MAP3K13: variants seen among roughly 807,000 people sequenced by gnomAD.
MAP3K13 encodes the protein leucine zipper-bearing kinase.
MAP3K13 carries 52 observed loss-of-function variants against 104.0 expected under a neutral mutation model. The ratio of observed to expected loss-of-function variants is 0.50; its 90% CI spans 0.40 to 0.63. The LOEUF is 0.63. Ranked by LOEUF, MAP3K13 falls within the 20% of genes least tolerant of loss-of-function variation. The probability of loss-of-function intolerance (pLI) is 0.00; values close to 1 mark genes in which losing one functional copy is unlikely to be tolerated. For missense variants in MAP3K13, 914 were observed against 1,218.5 expected (o/e 0.75, Z 3.72); for synonymous variants, 394 against 442.2 (o/e 0.89, Z 1.37).
At chr3:185,306,938 T>C (rs2108683215) in intron 2 of MAP3K13, among the ~76,000 whole-genome samples, 1 of 152,354 alleles carries the variant, frequency 6.6e-6, no homozygotes, top group African/African-American at 2.4e-5. Context: ...TCCTTCAGTT[T>C]TGAAGGACAG....
chr3:185,465,160 T>C (rs767239671), intron 8 of MAP3K13, among the ~76,000 whole-genome samples: 21 of 152,160 alleles, frequency 1.4e-4, no homozygotes, highest in Non-Finnish European at 2.2e-4. Context: ...GTATTTTTAG[T>C]AGAGACAGGG....
At chr3:185,390,295 T>C (rs1433284255) in intron 1 of MAP3K13, among the ~76,000 whole-genome samples, 2 of 152,154 alleles carry the variant, frequency 1.3e-5, no homozygotes, top group African/African-American at 4.8e-5. Flanking sequence ...GGTGCTATTG[T>C]TATTATCTCT....
intron 1 of MAP3K13, among the ~76,000 whole-genome samples, chr3:185,383,116 GTT>G (rs57028817): frequency 6.9e-6 from 1 of 145,662 alleles, no homozygotes; most frequent in East Asian, 2.1e-4. Flanking sequence ...GCGGTGTTTG[GTT>G]TTTTTGTTCT....
chr3:185,469,359 C>G (rs780936301), intron 10 of MAP3K13, among the ~76,000 whole-genome samples: 2 of 152,190 alleles, frequency 1.3e-5, no homozygotes, highest in Admixed American at 6.5e-5. Context: ...GGTCAACGGA[C>G]TTGGGTTCAA....
chr3:185,372,282 T>C (rs1170753595), intron 1 of MAP3K13, among the ~76,000 whole-genome samples: 3 of 152,198 alleles, frequency 2.0e-5, no homozygotes, highest in Admixed American at 1.3e-4. Flanking sequence ...TACAAAGACA[T>C]TTTACGACTT....
chr3:185,410,227 T>C (rs926500966), intron 1 of MAP3K13, among the ~76,000 whole-genome samples: 3 of 152,186 alleles, frequency 2.0e-5, no homozygotes, highest in African/African-American at 7.2e-5. Flanking sequence ...GAGGACATTA[T>C]GTTAAGTGAA....
chr3:185,353,917 A>C (rs1277282520), intron 2 of MAP3K13, among the ~76,000 whole-genome samples: 2 of 151,656 alleles, frequency 1.3e-5, no homozygotes, highest in African/African-American at 4.8e-5. Context: ...CCAAATGGTC[A>C]TTCCATCAAA....
chr3:185,376,918 A>G (rs1724456218), intron 1 of MAP3K13, among the ~76,000 whole-genome samples: 1 of 152,150 alleles, frequency 6.6e-6, no homozygotes, highest in African/African-American at 2.4e-5. Flanking sequence ...AGTACAGCCC[A>G]GGTAATTTGC....
chr3:185,368,166 T>A (rs201894443), intron 1 of MAP3K13, among the ~76,000 whole-genome samples: 1 of 151,958 alleles, frequency 6.6e-6, no homozygotes, highest in Non-Finnish European at 1.5e-5. Context: ...TCTCAAAAAA[T>A]TAATTAATTA....
At chr3:185,381,920 A>T (rs1481293375) in intron 1 of MAP3K13, among the ~76,000 whole-genome samples, 1 of 152,210 alleles carries the variant, frequency 6.6e-6, no homozygotes, top group Non-Finnish European at 1.5e-5. Flanking sequence ...CTCAATATTC[A>T]CTAGTTCAGT....
At chr3:185,460,211 G>A (rs1350279998) in intron 7 of MAP3K13, among the ~76,000 whole-genome samples, 1 of 152,186 alleles carries the variant, frequency 6.6e-6, no homozygotes, top group Non-Finnish European at 1.5e-5. Context: ...ATAGTACGGA[G>A]CCTGACTGCT....
At chr3:185,393,175 C>T (rs1236941508) in intron 1 of MAP3K13, among the ~76,000 whole-genome samples, 3 of 56,422 alleles carry the variant, frequency 5.3e-5, no homozygotes, top group Non-Finnish European at 3.4e-5. Flanking sequence ...TTAAAGGATG[C>T]TTTTTATAAG....
intron 3 of MAP3K13, among the ~76,000 whole-genome samples, chr3:185,440,012 A>G (rs1030103599): frequency 6.6e-6 from 1 of 152,196 alleles, no homozygotes; most frequent in African/African-American, 2.4e-5. Context: ...TGAGAGAATG[A>G]TTAGATTTTA....
At chr3:185,384,015 C>G (rs544955825) in intron 1 of MAP3K13, among the ~76,000 whole-genome samples, 9 of 152,256 alleles carry the variant, frequency 5.9e-5, no homozygotes, top group Non-Finnish European at 1.2e-4. Flanking sequence ...TATAGTCACC[C>G]TACTGTGCTA....
In MAP3K13 at chr3:185,417,643, C is replaced by A; in HGVS notation, c.-85-10854C>A. ...AACAGCAGCCTTCTTTCCTTTCTTA[C>A]CTACCACAGGCTTCTTGCCTGCAAC... On this transcript the variant is annotated intron_variant, in intron 1 of 13. Coordinates refer to ENST00000265026, the MANE Select transcript of MAP3K13 (RefSeq NM_004721.5). The A allele has an allele frequency of 2.5e-6, 4 of 1,612,024 alleles. No individual in the cohort carries two copies. The South Asian group carries it at 4.4e-5, about 18-fold the overall frequency.
chr3:185,363,299 T>C lies in MAP3K13; in HGVS notation c.-155T>C. The C allele has an allele frequency of 1.0e-6, 1 of 985,400 alleles. No individual in the cohort carries two copies. Among genetic ancestry groups the C allele is most frequent in the Non-Finnish European group, 1.2e-6 (1 of 829,914 alleles). 61.0% of individuals were successfully genotyped at this position (985,400 alleles called of 1,614,324 possible). A position where few individuals can be genotyped will look rare whatever the true frequency, so the allele number is the denominator to read the frequency against. ...CTTTATTTTTCCAATTCTGCAAGGC[T>C]TTTAAAATTCACCTTACATCTTTTC... On this transcript the variant is annotated 5_prime_UTR_variant, in exon 1 of 14. Transcript: ENST00000265026.
chr3:185,375,480 T>C (rs941504459), intron 1 of MAP3K13, among the ~76,000 whole-genome samples: 5 of 152,070 alleles, frequency 3.3e-5, no homozygotes, highest in Non-Finnish European at 5.9e-5. Context: ...GTAACCTACA[T>C]GGAAGAGGTT....
intron 2 of MAP3K13, among the ~76,000 whole-genome samples, chr3:185,358,071 A>C (rs975355568): frequency 2.0e-5 from 3 of 152,206 alleles, no homozygotes; most frequent in African/African-American, 4.8e-5. Flanking sequence ...AAGTGTTTGA[A>C]GTGCTTATCA....
At chr3:185,354,089 A>G (rs1339458268) in intron 2 of MAP3K13, among the ~76,000 whole-genome samples, 14 of 152,126 alleles carry the variant, frequency 9.2e-5, no homozygotes, top group Admixed American at 9.2e-4. Flanking sequence ...AATCGTAAGT[A>G]TCGGCTATCA....
Sources: allele counts gnomAD v4.1 joint callset (sites outside exome capture counted in the v4.1 genomes callset), GRCh38; gene constraint gnomAD v4.1.1; transcripts MANE v1.5; gene names NCBI Gene and HGNC (gene_info 2026-07-23, HGNC 2026-07-21).